The following OPCML variants were observed in gnomAD, a reference collection of about 807,000 sequenced individuals.
OPCML encodes the protein opioid binding protein/cell adhesion molecule like, also known as opioid-binding protein/cell adhesion molecule.
OPCML carries 13 observed loss-of-function variants against 37.8 expected under a neutral mutation model. The observed-to-expected ratio is 0.34, with a 90% CI of 0.22 to 0.55. OPCML has a LOEUF of 0.55. Among genes scored for constraint, OPCML ranks in the 20% least tolerant of loss-of-function variants. The pLI is 0.91. For missense variants in OPCML, 341 were observed against 435.6 expected, an observed-to-expected ratio of 0.78 and a Z score of 1.93; for synonymous variants, 176 against 168.8, an observed-to-expected ratio of 1.04 and a Z score of -0.33.
chr11:132,537,504 G>A (rs556091300), intron 3 of OPCML, among the ~76,000 whole-genome samples: 1 of 152,180 alleles, frequency 6.6e-6, no homozygotes, highest in Non-Finnish European at 1.5e-5. Flanking sequence ...GAAAAACTAT[G>A]TAGCCTTTGA....
chr11:133,336,644 C>G (rs899995615), intron 1 of OPCML, among the ~76,000 whole-genome samples: 8 of 152,154 alleles, frequency 5.3e-5, no homozygotes, highest in African/African-American at 1.9e-4. Flanking sequence ...CAATTTCCCC[C>G]AGCCTCAACT....
intron 1 of OPCML, among the ~76,000 whole-genome samples, chr11:133,283,371 C>A (rs1303905013): frequency 6.6e-6 from 1 of 151,514 alleles, no homozygotes; most frequent in Non-Finnish European, 1.5e-5. Context: ...TGGCACCTCC[C>A]CCACCCCTTG....
chr11:133,138,171 T>C (rs140051434), intron 1 of OPCML, among the ~76,000 whole-genome samples: 251 of 152,208 alleles, frequency 1.6e-3, no homozygotes, highest in African/African-American at 5.9e-3. Flanking sequence ...TTCCTCCCCA[T>C]GTTTGGTCTC....
chr11:132,881,328 G>A (rs1591748588), intron 2 of OPCML, among the ~76,000 whole-genome samples: 1 of 152,250 alleles, frequency 6.6e-6, no homozygotes, highest in Non-Finnish European at 1.5e-5. Context: ...GCCACACCTG[G>A]GAAGGGAAGA....
At chr11:132,957,883 C>A (rs1408436825) in intron 1 of OPCML, among the ~76,000 whole-genome samples, 1 of 152,206 alleles carries the variant, frequency 6.6e-6, no homozygotes, top group Non-Finnish European at 1.5e-5. Context: ...CTCTCTCCTT[C>A]TCCTCAGGCC....
intron 2 of OPCML, among the ~76,000 whole-genome samples, chr11:132,741,922 G>T (rs1191669627): frequency 6.6e-6 from 1 of 151,828 alleles, no homozygotes; most frequent in African/African-American, 2.4e-5. Context: ...CCAGCTACTC[G>T]GGAGGCTGAG....
At chr11:133,379,693 C>T (rs978169278) in intron 1 of OPCML, among the ~76,000 whole-genome samples, 1 of 152,166 alleles carries the variant, frequency 6.6e-6, no homozygotes, top group Non-Finnish European at 1.5e-5. Context: ...AAGCTATGTT[C>T]CATGAAATGT....
intron 4 of OPCML, among the ~76,000 whole-genome samples, chr11:132,489,601 A>T (rs1347915826): frequency 6.6e-6 from 1 of 152,170 alleles, no homozygotes; most frequent in Non-Finnish European, 1.5e-5. Context: ...TGATGTCACT[A>T]GGCAACTGTG....
chr11:132,454,389 G>A (rs993690905), intron 4 of OPCML, among the ~76,000 whole-genome samples: 1 of 152,162 alleles, frequency 6.6e-6, no homozygotes, highest in Non-Finnish European at 1.5e-5. Flanking sequence ...ATTTGGAAGG[G>A]TGAGGACCGA....
At chr11:133,476,286 T>C (rs1947236910) in intron 1 of OPCML, among the ~76,000 whole-genome samples, 1 of 152,180 alleles carries the variant, frequency 6.6e-6, no homozygotes, top group Admixed American at 6.5e-5. Flanking sequence ...AAAGTTGCTG[T>C]AGACCGACCC....
At chr11:133,497,657 T>C (rs1306116217) in intron 1 of OPCML, among the ~76,000 whole-genome samples, 1 of 152,092 alleles carries the variant, frequency 6.6e-6, no homozygotes, top group Non-Finnish European at 1.5e-5. Flanking sequence ...TGAGTATGCG[T>C]ACAGAGCACA....
chr11:132,900,343 A>G (rs995377744), intron 2 of OPCML, among the ~76,000 whole-genome samples: 5 of 152,004 alleles, frequency 3.3e-5, no homozygotes, highest in African/African-American at 1.2e-4. Context: ...CCAAGTCTCA[A>G]TGATTAAGGG....
chr11:132,500,258 A>G (rs777799444), intron 4 of OPCML, among the ~76,000 whole-genome samples: 2 of 152,234 alleles, frequency 1.3e-5, no homozygotes, highest in East Asian at 1.9e-4. Flanking sequence ...ATCATGCCTC[A>G]TTGTTGGATT....
chr11:132,636,594 G>C (rs998405452), intron 3 of OPCML, among the ~76,000 whole-genome samples: 1 of 152,212 alleles, frequency 6.6e-6, no homozygotes, highest in Non-Finnish European at 1.5e-5. Context: ...TCTCGGAAAA[G>C]AAATAGCGAA....
At chr11:132,560,119 A>G (rs1452768151) in intron 3 of OPCML, among the ~76,000 whole-genome samples, 3 of 152,198 alleles carry the variant, frequency 2.0e-5, no homozygotes, top group African/African-American at 4.8e-5. Context: ...GTCAATGCCA[A>G]TATTACCATT....
chr11:133,159,802 C>T (rs1950117355), intron 1 of OPCML, among the ~76,000 whole-genome samples: 1 of 152,226 alleles, frequency 6.6e-6, no homozygotes, highest in Non-Finnish European at 1.5e-5. Flanking sequence ...CCCACCCTGA[C>T]CTATTCCAGC....
chr11:132,485,085 T>TAATAA (rs2096195238), intron 4 of OPCML, among the ~76,000 whole-genome samples: 1 of 142,200 alleles, frequency 7.0e-6, no homozygotes, highest in Admixed American at 7.3e-5. Context: ...AAAATAATAA[T>TAATAA]AATAAAATAA....
chr11:133,150,990 G>A (rs745607223), intron 1 of OPCML, among the ~76,000 whole-genome samples: 5 of 151,852 alleles, frequency 3.3e-5, no homozygotes, highest in South Asian at 2.1e-4. Context: ...TTAATAATTC[G>A]TCGGCCAGGT....
chr11:132,889,452 AGTC>A (rs1241799431), intron 2 of OPCML, among the ~76,000 whole-genome samples: 2 of 152,234 alleles, frequency 1.3e-5, no homozygotes, highest in Non-Finnish European at 2.9e-5. Context: ...CCACCCACAT[AGTC>A]ATGTTGTAGC....
Sources: allele counts gnomAD v4.1 joint callset (sites outside exome capture counted in the v4.1 genomes callset), GRCh38; gene constraint gnomAD v4.1.1; transcripts MANE v1.5; gene names NCBI Gene and HGNC (gene_info 2026-07-23, HGNC 2026-07-21).